Variants in SGCZ observed in about 807,000 individuals in gnomAD.
The protein encoded by SGCZ is sarcoglycan zeta, also known as zeta-sarcoglycan.
SGCZ carries 40 observed loss-of-function variants against 41.3 expected under a neutral mutation model. The ratio of observed to expected loss-of-function variants is 0.97; its 90% CI spans 0.75 to 1.26. SGCZ has a LOEUF of 1.26. Ranked by LOEUF, SGCZ falls within the 50% of genes most tolerant of loss-of-function variation. The pLI is 0.00. For synonymous variants in SGCZ, 206 were observed against 137.5 expected (o/e 1.50, Z -3.49); for missense variants, 552 against 369.8 (o/e 1.49, Z -4.04).
chr8:15,184,508 CT>C (rs910376461), intron 1 of SGCZ, among the ~76,000 whole-genome samples: 8 of 147,052 alleles, frequency 5.4e-5, no homozygotes, highest in South Asian at 4.4e-4. Context: ...GCATTTTCTC[CT>C]TTTTTTTTTC....
chr8:14,370,609 C>T (rs571115210), intron 2 of SGCZ, among the ~76,000 whole-genome samples: 1 of 151,734 alleles, frequency 6.6e-6, no homozygotes, highest in East Asian at 1.9e-4. Flanking sequence ...TATTTATATT[C>T]ATATATTTAT....
At chr8:14,647,065 G>T (rs1188119360) in intron 1 of SGCZ, among the ~76,000 whole-genome samples, 1 of 151,912 alleles carries the variant, frequency 6.6e-6, no homozygotes, top group Non-Finnish European at 1.5e-5. Context: ...AAAAAGAAAG[G>T]GGAAGCCCAT....
At chr8:15,212,630 C>A (rs62502013) in intron 1 of SGCZ, among the ~76,000 whole-genome samples, 50,196 of 151,956 alleles carry the variant, frequency 0.33, 10,688 homozygotes, top group Non-Finnish European at 0.45. Flanking sequence ...ATAGAGGCTT[C>A]ATTAGGAAGA....
chr8:14,605,025 T>C (rs988062449), intron 1 of SGCZ, among the ~76,000 whole-genome samples: 5 of 152,218 alleles, frequency 3.3e-5, no homozygotes, highest in Non-Finnish European at 5.9e-5. Flanking sequence ...TCTGTGGTAT[T>C]GAACCTAATC....
chr8:14,184,564 T>G (rs1450672318), intron 4 of SGCZ, among the ~76,000 whole-genome samples: 2 of 152,178 alleles, frequency 1.3e-5, no homozygotes, highest in African/African-American at 4.8e-5. Context: ...TGTACAGAGC[T>G]GATAAAGCCA....
intron 1 of SGCZ, among the ~76,000 whole-genome samples, chr8:14,619,671 T>C (rs921299738): frequency 1.3e-5 from 2 of 152,054 alleles, no homozygotes; most frequent in African/African-American, 4.8e-5. Context: ...AACCAAATCA[T>C]GAGTGAACTC....
At chr8:14,607,512 C>T (rs1805790113) in intron 1 of SGCZ, among the ~76,000 whole-genome samples, 1 of 152,120 alleles carries the variant, frequency 6.6e-6, no homozygotes, top group Non-Finnish European at 1.5e-5. Flanking sequence ...CAATATGTTA[C>T]ATTGATTCTT....
chr8:14,299,520 G>C (rs996912436), intron 3 of SGCZ, among the ~76,000 whole-genome samples: 2 of 151,690 alleles, frequency 1.3e-5, no homozygotes, highest in African/African-American at 2.4e-5. Flanking sequence ...CAATTCACAG[G>C]AAAAGATATG....
chr8:14,827,363 A>C (rs541014586), intron 1 of SGCZ, among the ~76,000 whole-genome samples: 1 of 151,552 alleles, frequency 6.6e-6, no homozygotes, highest in African/African-American at 2.4e-5. Flanking sequence ...CAGCCTCCCA[A>C]GTAGCTGGGA....
At chr8:14,409,777 C>T (rs902903739) in intron 2 of SGCZ, among the ~76,000 whole-genome samples, 14 of 152,108 alleles carry the variant, frequency 9.2e-5, no homozygotes, top group African/African-American at 3.4e-4. Context: ...TATAGCAACA[C>T]ATACTTGGAA....
intron 1 of SGCZ, among the ~76,000 whole-genome samples, chr8:14,876,911 T>C (rs771841129): frequency 1.2e-4 from 18 of 152,094 alleles, no homozygotes; most frequent in African/African-American, 2.7e-4. Context: ...GCAAAGAGCA[T>C]TGGAGAGGTT....
chr8:14,659,251 C>G (rs996285137), intron 1 of SGCZ, among the ~76,000 whole-genome samples: 2 of 152,012 alleles, frequency 1.3e-5, no homozygotes, highest in African/African-American at 2.4e-5. Context: ...GTGTCATCAC[C>G]GCCAGAGATG....
chr8:14,456,719 A>G (rs190790770), intron 2 of SGCZ, among the ~76,000 whole-genome samples: 27 of 152,314 alleles, frequency 1.8e-4, no homozygotes, highest in Admixed American at 1.7e-3. Flanking sequence ...TAGTTTGAAT[A>G]TATGTCCTCA....
intron 1 of SGCZ, among the ~76,000 whole-genome samples, chr8:14,658,065 C>T (rs979694536): frequency 1.3e-5 from 2 of 152,092 alleles, no homozygotes; most frequent in African/African-American, 4.8e-5. Context: ...AAATGATGGA[C>T]ACAACATTAT....
intron 2 of SGCZ, among the ~76,000 whole-genome samples, chr8:14,376,667 C>G (rs1013654365): frequency 6.6e-6 from 1 of 152,122 alleles, no homozygotes; most frequent in African/African-American, 2.4e-5. Context: ...AAAATTCCAA[C>G]TTCTTTTTAG....
intron 1 of SGCZ, among the ~76,000 whole-genome samples, chr8:14,634,136 G>GA (rs1254360127): frequency 6.6e-6 from 1 of 151,666 alleles, no homozygotes; most frequent in Admixed American, 6.6e-5. Flanking sequence ...TTCTATTTCA[G>GA]AAAAAAATTT....
chr8:14,680,551 G>A (rs1446300072), intron 1 of SGCZ, among the ~76,000 whole-genome samples: 1 of 148,262 alleles, frequency 6.7e-6, no homozygotes, highest in Non-Finnish European at 1.5e-5. Context: ...CATATAAACG[G>A]AGCAAGAAAT....
chr8:14,547,040 C>G (rs1047311453), intron 2 of SGCZ, among the ~76,000 whole-genome samples: 8 of 151,990 alleles, frequency 5.3e-5, no homozygotes, highest in African/African-American at 1.9e-4. Flanking sequence ...AAAAAAGTAC[C>G]TAATATGGGC....
intron 1 of SGCZ, among the ~76,000 whole-genome samples, chr8:15,036,410 T>C (rs1367374145): frequency 2.6e-5 from 4 of 151,828 alleles, no homozygotes; most frequent in Admixed American, 6.6e-5. Context: ...TTGGAGGGTA[T>C]AGAGTTGGAG....
Sources: allele counts gnomAD v4.1 joint callset (sites outside exome capture counted in the v4.1 genomes callset), GRCh38; gene constraint gnomAD v4.1.1; transcripts MANE v1.5; gene names NCBI Gene and HGNC (gene_info 2026-07-23, HGNC 2026-07-21).